UTRN: variants seen among roughly 807,000 people sequenced by gnomAD.
UTRN encodes utrophin, also known as dystrophin-related protein 1.
In UTRN, 283 loss-of-function variants were observed where a neutral mutation model predicts 463.9. The ratio of observed to expected loss-of-function variants is 0.61; its 90% CI spans 0.55 to 0.67. UTRN has a LOEUF of 0.67. Ranked by LOEUF, UTRN falls within the 30% of genes least tolerant of loss-of-function variation. The pLI, the probability that UTRN is intolerant of heterozygous loss-of-function variation, is 0.00. For missense variants in UTRN, 3,922 were observed against 4,084.3 expected (o/e 0.96, Z 1.08); for synonymous variants, 1,442 against 1,431.5 (o/e 1.01, Z -0.17).
intron 51 of UTRN, among the ~76,000 whole-genome samples, chr6:144,641,597 A>C (rs1777771065): frequency 6.6e-6 from 1 of 152,154 alleles, no homozygotes; most frequent in Non-Finnish European, 1.5e-5. Flanking sequence ...TGGTCCATTC[A>C]GATGGTTAGG....
intron 11 of UTRN, among the ~76,000 whole-genome samples, chr6:144,438,199 G>C (rs1275752663): frequency 6.6e-6 from 1 of 152,176 alleles, no homozygotes; most frequent in Non-Finnish European, 1.5e-5. Context: ...TCAGGAGACA[G>C]AGATTGCAGT....
intron 58 of UTRN, among the ~76,000 whole-genome samples, chr6:144,762,480 G>A (rs182116468): frequency 5.6e-4 from 85 of 152,322 alleles, no homozygotes; most frequent in Admixed American, 1.2e-3. Context: ...CAAGGACAAA[G>A]CCCATGCTTT....
At chr6:144,495,845 A>G (rs753445365) in intron 33 of UTRN, among the ~76,000 whole-genome samples, 2 of 152,244 alleles carry the variant, frequency 1.3e-5, no homozygotes, top group Non-Finnish European at 1.5e-5. Flanking sequence ...TGTGAGAAAC[A>G]TTCTGTTTTT....
At chr6:144,579,168 A>G (rs936007427) in intron 51 of UTRN, among the ~76,000 whole-genome samples, 1 of 152,222 alleles carries the variant, frequency 6.6e-6, no homozygotes, top group Non-Finnish European at 1.5e-5. Flanking sequence ...GAGTGTGACC[A>G]GGCAAGTATC....
intron 2 of UTRN, among the ~76,000 whole-genome samples, chr6:144,346,859 C>T (rs2114644853): frequency 6.7e-6 from 1 of 148,802 alleles, no homozygotes; most frequent in East Asian, 1.9e-4. Context: ...CACTATCTCT[C>T]TGTCTATCTA....
intron 65 of UTRN, 52 bp from the exon 66 acceptor site, chr6:144,820,830 G>A: frequency 6.3e-7 from 1 of 1,577,014 alleles, no homozygotes; most frequent in Non-Finnish European, 8.6e-7. Context: ...GTTATAGATA[G>A]TTATTGCCTT....
chr6:144,432,372 G>T (rs1366786319), intron 9 of UTRN, among the ~76,000 whole-genome samples: 14 of 152,244 alleles, frequency 9.2e-5, no homozygotes, highest in Admixed American at 3.3e-4. Context: ...CTCTCTTTCT[G>T]TCACTCTATC....
Position 144,437,649 on chromosome 6 carries a change from C to T in UTRN, c.1144C>T (p.Leu382=), listed in dbSNP as rs1786704379. The part of the protein sequence containing the change: ...AGNQLITQGT[L]SDEEEFEIQE... ...CAACCAACTGATAACACAAGGAACT[C>T]TGTCAGACGAAGAAGAATTTGAGAT... Residue 382 remains leucine, a synonymous_variant, in exon 11 of 75, where the codon CTG becomes TTG. Transcript: ENST00000367545. 1 of 1,614,024 alleles carries T rather than the reference C, an allele frequency of 6.2e-7. No homozygotes were observed. The highest frequency in any genetic ancestry group is 1.7e-5 in the Admixed American group (1 of 59,996).
At chr6:144,586,946 C>T (rs1202696881) in intron 51 of UTRN, among the ~76,000 whole-genome samples, 1 of 152,098 alleles carries the variant, frequency 6.6e-6, no homozygotes, top group African/African-American at 2.4e-5. Flanking sequence ...CCAAACTATT[C>T]TGATCATATT....
chr6:144,771,177 A>G (rs989018768), intron 58 of UTRN, among the ~76,000 whole-genome samples: 2 of 152,182 alleles, frequency 1.3e-5, no homozygotes, highest in African/African-American at 4.8e-5. Context: ...GTCACATTTT[A>G]TATCTAGGTT....
chr6:144,595,851 T>C (rs1265401225), intron 51 of UTRN, among the ~76,000 whole-genome samples: 1 of 152,190 alleles, frequency 6.6e-6, no homozygotes, highest in Non-Finnish European at 1.5e-5. Flanking sequence ...TGATAGGTAG[T>C]GAATAACCTG....
intron 53 of UTRN, among the ~76,000 whole-genome samples, chr6:144,707,458 C>T (rs1586135252): frequency 1.3e-5 from 2 of 152,080 alleles, no homozygotes; most frequent in East Asian, 1.9e-4. Context: ...AGCATAAAAC[C>T]TAATAGCTTG....
intron 51 of UTRN, among the ~76,000 whole-genome samples, chr6:144,671,409 G>A (rs1781013510): frequency 6.6e-6 from 1 of 151,858 alleles, no homozygotes; most frequent in Admixed American, 6.6e-5. Flanking sequence ...TATTTTAAAA[G>A]GGGTTGAATT....
At chr6:144,683,336 T>A (rs1409396385) in intron 52 of UTRN, among the ~76,000 whole-genome samples, 1 of 152,114 alleles carries the variant, frequency 6.6e-6, no homozygotes, top group Non-Finnish European at 1.5e-5. Context: ...AATTTACAGA[T>A]CAGATTCGTC....
Position 144,406,083 on chromosome 6 carries a change from T to C in UTRN, c.141+2899T>C, listed in dbSNP as rs375419520. Among the ~76,000 whole-genome samples the C allele has an allele frequency of 1.3e-4, 20 of 152,378 alleles. No homozygotes were observed. The East Asian group carries it at 2.5e-3, about 19-fold the overall frequency. ...TGGATAGACCAGTTTTTGCATCTAT[T>C]GCAAATCTATTTCAGTTTTCATTTT... On this transcript the variant is annotated intron_variant, in intron 3 of 74. Coordinates refer to ENST00000367545, the MANE Select transcript of UTRN (RefSeq NM_007124.3).
At position 144,712,204 on chromosome 6, in the gene UTRN, C is replaced by T. The variant is rs1452266029; in HGVS notation, c.7809+11961C>T. ...TATTAAACGCTCAGCTCTTTAAGGCCCATTAGTCAAGCTGTTACTTGTGTG... is the reference window on the plus strand; with the variant it reads ...TATTAAACGCTCAGCTCTTTAAGGCTCATTAGTCAAGCTGTTACTTGTGTG... On this transcript the variant is annotated intron_variant, in intron 53 of 74. Transcript: ENST00000367545. 2.0e-5 allele frequency among the ~76,000 whole-genome samples: 3 copies of T among 152,158 alleles called. No individual in the cohort carries two copies. The South Asian group carries it at 6.2e-4, about 32-fold the overall frequency.
At chr6:144,374,761 T>C (rs1420885488) in intron 2 of UTRN, among the ~76,000 whole-genome samples, 1 of 151,326 alleles carries the variant, frequency 6.6e-6, no homozygotes, top group African/African-American at 2.4e-5. Context: ...GGATTACAGT[T>C]GTGAGCTACC....
rs769575093 is a variant in UTRN at position 144,539,336 on chromosome 6, T to G, written c.6412T>G (p.Trp2138Gly). Residue 2138 changes from tryptophan to glycine, a missense_variant, in exon 45 of 75, where the codon TGG becomes GGG. Physicochemically the swap from Trp to Gly is radical, Grantham distance 184. Transcript: ENST00000367545. ...EMEVHAEKLKWLNRTELEMLS... is the reference protein window; with the variant it reads ...EMEVHAEKLKGLNRTELEMLS... ...GGAAGTACATGCTGAAAAACTCAAA[T>G]GGCTGAATAGAACTGAATTGGAGAT... is the stretch of plus-strand genomic sequence containing the variant. The G allele has an allele frequency of 5.0e-6, 8 of 1,613,008 alleles. No individual in the cohort carries two copies. The highest frequency in any genetic ancestry group is 1.1e-5 in the South Asian group (1 of 90,818).
intron 18 of UTRN, among the ~76,000 whole-genome samples, chr6:144,453,071 A>C (rs1788488961): frequency 6.6e-6 from 1 of 152,168 alleles, no homozygotes; most frequent in Non-Finnish European, 1.5e-5. Flanking sequence ...CCCTAGACTT[A>C]ATATAACCCA....
Sources: allele counts gnomAD v4.1 joint callset (sites outside exome capture counted in the v4.1 genomes callset), GRCh38; gene constraint gnomAD v4.1.1; transcripts MANE v1.5; gene names NCBI Gene and HGNC (gene_info 2026-07-23, HGNC 2026-07-21).